Variants in NCOA7 observed in about 807,000 individuals in gnomAD.
NCOA7 encodes nuclear receptor coactivator 7.
NCOA7 carries 45 observed loss-of-function variants against 104.3 expected under a neutral mutation model. That is an observed-to-expected ratio of 0.43 (90% CI 0.34 to 0.55). The LOEUF (loss-of-function observed/expected upper bound fraction) is 0.55. NCOA7 is among the 20% of genes least tolerant of loss of function. NCOA7 has a pLI of 0.02. For missense variants in NCOA7, 1,041 were observed against 1,119.7 expected (o/e 0.93, Z 1.00); for synonymous variants, 398 against 402.3 (o/e 0.99, Z 0.13).
intron 1 of NCOA7, among the ~76,000 whole-genome samples, chr6:125,804,388 A>G (rs17053570): frequency 0.038 from 5,778 of 152,278 alleles, 331 homozygotes; most frequent in African/African-American, 0.13. Context: ...CAGAAACTCC[A>G]CTGTGGGTGA....
At position 125,889,252 on chromosome 6, in the gene NCOA7, G is replaced by A. The variant is rs1208453069; in HGVS notation, c.1198G>A (p.Ala400Thr). The A allele has an allele frequency of 6.8e-6, 11 of 1,613,970 alleles. No individual in the cohort carries two copies. Among genetic ancestry groups the A allele is most frequent in the Non-Finnish European group, 9.3e-6 (11 of 1,179,992 alleles). The part of the protein sequence containing the change: ...LSKEPSDTSS[A>T]FESTAKENFL... The stretch of plus-strand genomic sequence containing the variant: ...CAAGGAACCTTCCGACACTTCTTCT[G>A]CATTTGAATCTACAGCCAAAGAAAA... Residue 400 changes from alanine (A) to threonine (T), a missense_variant, in exon 9 of 16, where the codon GCA becomes ACA. Physicochemically the swap from Ala to Thr is moderately conservative, Grantham distance 58. This residue lies in a region of NCOA7 where 914 missense variants were observed against 942.7 expected (regional missense o/e 0.97). Coordinates refer to ENST00000392477, the MANE Select transcript of NCOA7 (RefSeq NM_181782.5).
intron 2 of NCOA7, among the ~76,000 whole-genome samples, chr6:125,839,607 C>CTCTTTATCA (rs1779949450): frequency 6.6e-6 from 1 of 152,038 alleles, no homozygotes; most frequent in Non-Finnish European, 1.5e-5. Context: ...ACAAAAGACG[C>CTCTTTATCA]TCTTTATCAC....
At chr6:125,837,780 A>G (rs1779749122) in intron 2 of NCOA7, among the ~76,000 whole-genome samples, 1 of 152,198 alleles carries the variant, frequency 6.6e-6, no homozygotes, top group Non-Finnish European at 1.5e-5. Context: ...ATGCTATTAT[A>G]TTTTCTCATC....
chr6:125,910,440 GA>G (rs1786425370), intron 10 of NCOA7, among the ~76,000 whole-genome samples: 1 of 152,152 alleles, frequency 6.6e-6, no homozygotes, highest in Admixed American at 6.5e-5. Flanking sequence ...ATTTAAGATG[GA>G]CTAAATTTTT....
rs1197401636 is a variant in NCOA7, at chr6:125,927,538, G to A, written c.2524-125G>A. The A allele has an allele frequency of 8.5e-6, 6 of 706,516 alleles. No individual in the cohort carries two copies. The African/African-American group carries it at 1.1e-4, about 13-fold the overall frequency. The allele number at this position is 706,516 out of a possible 1,614,324, so 43.8% of individuals were successfully genotyped here. ...ATTGGTGGTCTTTTTAAGTTTGAGT[G>A]CCAATTTAGTAATAATCTTTGCTGA... On this transcript the variant is annotated intron_variant, in intron 13 of 15. Coordinates refer to ENST00000392477, the MANE Select transcript of NCOA7 (RefSeq NM_181782.5).
chr6:125,813,050 C>T (rs1039590187), intron 1 of NCOA7, among the ~76,000 whole-genome samples: 4 of 152,206 alleles, frequency 2.6e-5, no homozygotes, highest in Admixed American at 1.3e-4. Flanking sequence ...TAAATCCTCT[C>T]ACGTCAATCC....
At chr6:125,896,018 ATATATAT>A (rs934088135) in intron 10 of NCOA7, among the ~76,000 whole-genome samples, 1 of 147,996 alleles carries the variant, frequency 6.8e-6, no homozygotes, top group Non-Finnish European at 1.5e-5. Flanking sequence ...TATAAAATAT[ATATATAT>A]TATATAATAC....
chr6:125,881,132 A>C lies in NCOA7; in HGVS notation c.502A>C (p.Arg168=), dbSNP rs1783791009. 6.2e-7 allele frequency: 1 copy of C among 1,613,870 alleles called. No homozygotes were observed. Among genetic ancestry groups the C allele is most frequent in the South Asian group, 1.1e-5 (1 of 91,078 alleles). The change falls in exon 6 of 16, where the codon AGG becomes CGG. Residue 168 remains arginine, a synonymous_variant. Transcript: ENST00000392477. ...TGCCAACTCTCCTTCCAGTACCTTA[A>C]GGCTATCATCATCCAGTCCTGGTGC... ...PDANSPSSTL[R]LSSSSPGATV...
chr6:125,909,098 G>T (rs1786288665), intron 10 of NCOA7, among the ~76,000 whole-genome samples: 1 of 152,188 alleles, frequency 6.6e-6, no homozygotes, highest in Non-Finnish European at 1.5e-5. Flanking sequence ...TGGAAAGTGG[G>T]TCCAAAAAGT....
chr6:125,813,293 C>T (rs1159946535), intron 1 of NCOA7, among the ~76,000 whole-genome samples: 1 of 152,110 alleles, frequency 6.6e-6, no homozygotes, highest in African/African-American at 2.4e-5. Flanking sequence ...TAAGTCCAAG[C>T]TCCTTAGAGC....
At chr6:125,816,888 T>G (rs1488575174) in intron 2 of NCOA7, among the ~76,000 whole-genome samples, 1 of 152,180 alleles carries the variant, frequency 6.6e-6, no homozygotes, top group Non-Finnish European at 1.5e-5. Flanking sequence ...AACAGTTGCA[T>G]TAAAAGGATC....
At chr6:125,918,267 G>T (rs1291295487) in intron 11 of NCOA7, among the ~76,000 whole-genome samples, 1 of 152,072 alleles carries the variant, frequency 6.6e-6, no homozygotes, top group East Asian at 1.9e-4. Context: ...ATGTCTCTGT[G>T]CCTGGCAAAG....
upstream of NCOA7, among the ~76,000 whole-genome samples, chr6:125,788,540 C>CTTTT (rs59616110): frequency 1.4e-4 from 20 of 141,586 alleles, no homozygotes; most frequent in Admixed American, 2.8e-4. Context: ...TTTGGAAGAC[C>CTTTT]TTTTTTTTTT....
At chr6:125,881,283 C>A in intron 6 of NCOA7, 80 bp downstream of exon 6, 1 of 1,016,792 alleles carries the variant, frequency 9.8e-7, no homozygotes. Context: ...TTATTTTTCA[C>A]AAGATTACAT....
chr6:125,913,470 G>T (rs926171121), intron 10 of NCOA7, among the ~76,000 whole-genome samples: 1 of 152,206 alleles, frequency 6.6e-6, no homozygotes, highest in Non-Finnish European at 1.5e-5. Flanking sequence ...CATCAAGGCT[G>T]CTGTTTGACC....
chr6:125,781,555 G>A (rs1393821584), intron 1 of NCOA7, among the ~76,000 whole-genome samples: 1 of 152,158 alleles, frequency 6.6e-6, no homozygotes, highest in Non-Finnish European at 1.5e-5. Flanking sequence ...TATTTTAAGT[G>A]GGACCCTTTT....
intron 14 of NCOA7, 68 bp downstream of exon 14, chr6:125,927,826 C>T (rs1788168052): frequency 2.4e-6 from 3 of 1,275,766 alleles, no homozygotes; most frequent in Admixed American, 3.4e-5. Flanking sequence ...AGGGGATAGG[C>T]ATTGGGGCAG....
chr6:125,912,911 G>A (rs1160366638), intron 10 of NCOA7, among the ~76,000 whole-genome samples: 1 of 152,176 alleles, frequency 6.6e-6, no homozygotes, highest in Non-Finnish European at 1.5e-5. Context: ...AGACAGGGAT[G>A]TAAGAAGGAA....
intron 1 of NCOA7, among the ~76,000 whole-genome samples, chr6:125,801,980 G>A (rs1250426697): frequency 6.6e-6 from 1 of 152,148 alleles, no homozygotes; most frequent in Non-Finnish European, 1.5e-5. Context: ...AATGCACAAT[G>A]TCTTGTCAAA....
Sources: allele counts gnomAD v4.1 joint callset (sites outside exome capture counted in the v4.1 genomes callset), GRCh38; gene constraint gnomAD v4.1.1; regional missense constraint gnomAD v4.1.1; transcripts MANE v1.5; gene names NCBI Gene and HGNC (gene_info 2026-07-23, HGNC 2026-07-21).